Variants in SELPLG observed in about 807,000 individuals in gnomAD.
SELPLG encodes the protein P-selectin glycoprotein ligand 1.
A neutral mutation model predicts 1.1 loss-of-function variants in SELPLG; 2 were observed. The ratio of observed to expected loss-of-function variants is 1.82; its 90% CI spans 0.74 to 5.71. SELPLG has a LOEUF of 5.71. Ranked by LOEUF, SELPLG falls within the 30% of genes most tolerant of loss-of-function variation. The probability of loss-of-function intolerance (pLI) is 0.05; values close to 1 mark genes in which losing one functional copy is unlikely to be tolerated. For missense variants in SELPLG, 478 were observed against 524.7 expected, an observed-to-expected ratio of 0.91 and a Z score of 0.87; for synonymous variants, 230 against 221.2, an observed-to-expected ratio of 1.04 and a Z score of -0.35.
chr12:108,628,036 A>G lies in SELPLG; in HGVS notation c.-5-3724T>C, dbSNP rs2031969777. On this transcript the variant is annotated intron_variant, in intron 1 of 1. Transcript: ENST00000550948. The stretch of plus-strand genomic sequence containing the variant: ...ATTGAGGCTGCAGTGAGCTGTGATC[A>G]TGCCACTGCACCCCAGCCTGGGTGA... 2.6e-5 allele frequency among the ~76,000 whole-genome samples: 4 copies of G among 152,114 alleles called. No homozygotes were observed. In the South Asian group the frequency reaches 8.3e-4, roughly 32 times the overall value.
At chr12:108,626,081 A>AAT (rs1194854602) in intron 1 of SELPLG, among the ~76,000 whole-genome samples, 1 of 151,616 alleles carries the variant, frequency 6.6e-6, no homozygotes, top group Non-Finnish European at 1.5e-5. Flanking sequence ...AGCCAGGTTC[A>AAT]ATCTGATCTC....
chr12:108,625,847 C>T (rs960017092), intron 1 of SELPLG, among the ~76,000 whole-genome samples: 1 of 152,178 alleles, frequency 6.6e-6, no homozygotes, highest in African/African-American at 2.4e-5. Flanking sequence ...GTGACAGCCA[C>T]GTTCTGGGGC....
chr12:108,627,007 G>A (rs923949884), intron 1 of SELPLG, among the ~76,000 whole-genome samples: 1 of 152,150 alleles, frequency 6.6e-6, no homozygotes, highest in Non-Finnish European at 1.5e-5. Flanking sequence ...GGGAGGCCAA[G>A]GCAGGAGAAT....
At chr12:108,628,415 T>C (rs8179129) in intron 1 of SELPLG, among the ~76,000 whole-genome samples, 3,639 of 150,534 alleles carry the variant, frequency 0.024, 134 homozygotes, top group African/African-American at 0.084. Context: ...TGGGGTAGAG[T>C]TCTTATCTGG....
chr12:108,632,776 A>G (rs2032084416), intron 1 of SELPLG, among the ~76,000 whole-genome samples: 2 of 152,184 alleles, frequency 1.3e-5, no homozygotes, highest in African/African-American at 4.8e-5. Context: ...TCGGCCTCCC[A>G]AAGGGCTGGG....
At position 108,623,979 on chromosome 12, in the gene SELPLG, C is replaced by T. The variant is rs2136761758; in HGVS notation, c.329G>A (p.Gly110Glu). The change falls in exon 2 of 2, where the codon GGG (glycine) becomes GAG (glutamate). Residue 110 changes from glycine (G) to glutamate (E), a missense_variant. Gly to Glu is a moderately conservative substitution (Grantham distance 98). Transcript: ENST00000550948. ...TELTTELANMGNLSTDSAAME... is the reference protein window; with the variant it reads ...TELTTELANMENLSTDSAAME... ...AGCTGCTGAATCCGTGGACAGGTTCCCCATGTTGGCCAGCTCCGTGGTCAG... is the reference window on the plus strand; with the variant it reads ...AGCTGCTGAATCCGTGGACAGGTTCTCCATGTTGGCCAGCTCCGTGGTCAG... 6.2e-7 allele frequency: 1 copy of T among 1,614,148 alleles called. No individual in the cohort carries two copies. The highest frequency in any genetic ancestry group is 8.5e-7 in the Non-Finnish European group (1 of 1,180,026).
intron 1 of SELPLG, among the ~76,000 whole-genome samples, chr12:108,627,645 A>T (rs1441469396): frequency 1.3e-5 from 2 of 152,210 alleles, no homozygotes; most frequent in African/African-American, 2.4e-5. Flanking sequence ...ATAGATTCAA[A>T]AGTTCCAGGC....
chr12:108,632,613 C>A (rs1275774216), intron 1 of SELPLG, among the ~76,000 whole-genome samples: 2 of 151,852 alleles, frequency 1.3e-5, no homozygotes, highest in Non-Finnish European at 2.9e-5. Flanking sequence ...CTCCCAGGTT[C>A]AAGTGATCCT....
chr12:108,626,938 C>T (rs1177349186), intron 1 of SELPLG, among the ~76,000 whole-genome samples: 1 of 152,124 alleles, frequency 6.6e-6, no homozygotes, highest in African/African-American at 2.4e-5. Context: ...AACCCTGTCT[C>T]TACTAAAAAT....
Position 108,623,640 on chromosome 12 carries a change from G to T in SELPLG, c.668C>A (p.Thr223Asn). The change falls in exon 2 of 2, where the codon ACC becomes AAC. Residue 223 changes from threonine (T) to asparagine (N), a missense_variant. Transcript: ENST00000550948. ...TGCCTCCATGGCTGTGGTTTGAGTGGTCTGTGCCTCCATGGCTGCTGGTGG... is the reference window on the plus strand; with the variant it reads ...TGCCTCCATGGCTGTGGTTTGAGTGTTCTGTGCCTCCATGGCTGCTGGTGG... ...TTPPAAMEAQ[T>N]TQTTAMEAQT... 6.5e-7 allele frequency: 1 copy of T among 1,534,364 alleles called. No homozygotes were observed. The highest frequency in any genetic ancestry group is 8.7e-7 in the Non-Finnish European group (1 of 1,145,074).
intron 1 of SELPLG, among the ~76,000 whole-genome samples, chr12:108,626,148 T>TC (rs1392015041): frequency 5.3e-4 from 75 of 140,998 alleles, no homozygotes; most frequent in Non-Finnish European, 9.8e-4. Context: ...TTTTTTTTTT[T>TC]CTCCAAGACA....
chr12:108,632,389 GGTGTGTGTGTGTGTGT>G (rs34863745), intron 1 of SELPLG, among the ~76,000 whole-genome samples: 10 of 144,614 alleles, frequency 6.9e-5, no homozygotes, highest in South Asian at 6.6e-4. Context: ...GACAATATGG[GGTGTGTGTGTGTGTGT>G]GTGTGTGTGT....
intron 1 of SELPLG, among the ~76,000 whole-genome samples, chr12:108,625,330 C>A (rs531710193): frequency 1.3e-5 from 2 of 152,258 alleles, no homozygotes; most frequent in East Asian, 1.9e-4. Flanking sequence ...TGTCTTGGTC[C>A]CATTTGCTTT....
chr12:108,626,136 T>C (rs959320933), intron 1 of SELPLG, among the ~76,000 whole-genome samples: 3 of 148,254 alleles, frequency 2.0e-5, no homozygotes, highest in African/African-American at 5.0e-5. Context: ...TTCTTTTTTT[T>C]TTTTTTTTTT....
chr12:108,622,776 A>G lies in SELPLG; in HGVS notation c.*293T>C. 2.7e-6 allele frequency: 1 copy of G among 377,284 alleles called. No individual in the cohort carries two copies. The highest frequency in any genetic ancestry group is 4.8e-6 in the Non-Finnish European group (1 of 209,312). 23.4% of individuals were successfully genotyped at this position (377,284 alleles called of 1,614,324 possible). ...TAGAGGGACCCAGAGAAGATGGGGG[A>G]CAGGAAAAAGGAGAGAATCTGTCTC... On this transcript the variant is annotated 3_prime_UTR_variant, in exon 2 of 2. Coordinates refer to ENST00000550948, the MANE Select transcript of SELPLG (RefSeq NM_003006.4).
At chr12:108,624,509 A>G (rs748419192) in intron 1 of SELPLG, among the ~76,000 whole-genome samples, 197 bp from the exon 2 acceptor site, 2 of 152,076 alleles carry the variant, frequency 1.3e-5, no homozygotes, top group African/African-American at 2.4e-5. Context: ...ATTACTCATC[A>G]ACATGAATAA....
intron 1 of SELPLG, chr12:108,631,840 A>T: frequency 1.3e-6 from 2 of 1,492,740 alleles, no homozygotes; most frequent in Non-Finnish European, 1.8e-6. Context: ...ACAAACACAG[A>T]CCCCCAACAC....
intron 1 of SELPLG, among the ~76,000 whole-genome samples, chr12:108,626,416 G>A (rs2031937906): frequency 6.6e-6 from 1 of 151,980 alleles, no homozygotes; most frequent in South Asian, 2.1e-4. Context: ...ATTACAGGGC[G>A]TGGGCCACCG....
intron 1 of SELPLG, among the ~76,000 whole-genome samples, chr12:108,625,031 T>A (rs1011736940): frequency 1.3e-5 from 2 of 152,174 alleles, no homozygotes; most frequent in Non-Finnish European, 2.9e-5. Flanking sequence ...TTATTTATAA[T>A]CTATCATAAG....
Sources: allele counts gnomAD v4.1 joint callset (sites outside exome capture counted in the v4.1 genomes callset), GRCh38; gene constraint gnomAD v4.1.1; transcripts MANE v1.5; gene names NCBI Gene and HGNC (gene_info 2026-07-23, HGNC 2026-07-21).